The following CA10 variants were observed in gnomAD, a reference collection of about 807,000 sequenced individuals.
CA10 encodes the protein carbonic anhydrase 10 (inactive).
CA10 carries 14 observed loss-of-function variants against 44.2 expected under a neutral mutation model. The observed-to-expected ratio is 0.32, with a 90% CI of 0.21 to 0.50. The LOEUF (loss-of-function observed/expected upper bound fraction) is 0.50. CA10 is among the 20% of genes least tolerant of loss of function. The pLI is 0.99. For synonymous variants in CA10, 159 were observed against 141.6 expected (o/e 1.12, Z -0.87); for missense variants, 350 against 409.7 (o/e 0.85, Z 1.26).
intron 1 of CA10, among the ~76,000 whole-genome samples, chr17:52,073,985 C>G (rs1262574413): frequency 6.6e-6 from 1 of 152,136 alleles, no homozygotes; most frequent in African/African-American, 2.4e-5. Context: ...GCAAAATTCC[C>G]CAAGTGGGTA....
At chr17:52,081,922 G>C (rs189653061) in intron 1 of CA10, among the ~76,000 whole-genome samples, 1 of 152,010 alleles carries the variant, frequency 6.6e-6, no homozygotes, top group Non-Finnish European at 1.5e-5. Flanking sequence ...TGAGTGACTA[G>C]ATGTTGACAG....
At chr17:51,870,039 T>C (rs1386332790) in intron 3 of CA10, among the ~76,000 whole-genome samples, 1 of 152,214 alleles carries the variant, frequency 6.6e-6, no homozygotes, top group African/African-American at 2.4e-5. Flanking sequence ...CACTCTTTAA[T>C]TAGTATTTAC....
intron 1 of CA10, among the ~76,000 whole-genome samples, chr17:52,089,078 C>T (rs1226938750): frequency 6.6e-6 from 1 of 152,296 alleles, no homozygotes; most frequent in Non-Finnish European, 1.5e-5. Context: ...CATGTAATCA[C>T]GAATTTCAAA....
intron 4 of CA10, among the ~76,000 whole-genome samples, chr17:51,654,269 T>C (rs1312996986): frequency 1.3e-5 from 2 of 152,230 alleles, no homozygotes; most frequent in African/African-American, 2.4e-5. Flanking sequence ...GTCCCGGTCA[T>C]CTGGTTGTGT....
intron 2 of CA10, among the ~76,000 whole-genome samples, chr17:52,050,150 C>A (rs1294057926): frequency 6.6e-6 from 1 of 152,048 alleles, no homozygotes; most frequent in Non-Finnish European, 1.5e-5. Flanking sequence ...TGAATCTCCC[C>A]ACCCCAAACC....
chr17:51,752,158 C>T (rs1904914985), intron 3 of CA10, among the ~76,000 whole-genome samples: 1 of 151,858 alleles, frequency 6.6e-6, no homozygotes, highest in South Asian at 2.1e-4. Context: ...GCTGTGTAGC[C>T]AGGGCATGGT....
At chr17:51,877,598 GAAGTT>G (rs1011908044) in intron 3 of CA10, among the ~76,000 whole-genome samples, 33 of 152,130 alleles carry the variant, frequency 2.2e-4, no homozygotes, top group African/African-American at 6.5e-4. Context: ...TCAAAGATAT[GAAGTT>G]AAGTACCCAT....
chr17:51,675,772 G>A (rs924098706), intron 4 of CA10, among the ~76,000 whole-genome samples: 1 of 151,980 alleles, frequency 6.6e-6, no homozygotes, highest in Non-Finnish European at 1.5e-5. Context: ...TCAATCAGTA[G>A]TTCTCTTAGG....
chr17:51,707,135 G>A (rs1424865562), intron 4 of CA10, among the ~76,000 whole-genome samples: 1 of 152,124 alleles, frequency 6.6e-6, no homozygotes, highest in African/African-American at 2.4e-5. Flanking sequence ...TAGAAGCAAT[G>A]TGCTAGGTGC....
At chr17:52,091,584 C>T (rs902333932) in intron 1 of CA10, among the ~76,000 whole-genome samples, 4 of 152,124 alleles carry the variant, frequency 2.6e-5, no homozygotes, top group African/African-American at 9.7e-5. Flanking sequence ...ATAAAAGATA[C>T]ATGTTAAATC....
chr17:51,799,551 A>C (rs963703114), intron 3 of CA10, among the ~76,000 whole-genome samples: 2 of 152,202 alleles, frequency 1.3e-5, no homozygotes, highest in Non-Finnish European at 2.9e-5. Context: ...ACAGCAAGTC[A>C]TGTGGCTAAG....
intron 3 of CA10, among the ~76,000 whole-genome samples, chr17:51,807,587 T>C (rs1017071111): frequency 1.3e-5 from 2 of 152,188 alleles, no homozygotes; most frequent in African/African-American, 2.4e-5. Flanking sequence ...TTTTTAATAA[T>C]AGCGCAAAAT....
intron 3 of CA10, among the ~76,000 whole-genome samples, chr17:51,817,471 A>G (rs544555776): frequency 5.8e-4 from 89 of 152,252 alleles, no homozygotes; most frequent in Non-Finnish European, 1.0e-3. Context: ...CTCTTTATGC[A>G]GATAAAAAGC....
intron 1 of CA10, among the ~76,000 whole-genome samples, chr17:52,142,485 T>C (rs1368605708): frequency 6.6e-6 from 1 of 152,214 alleles, no homozygotes; most frequent in Non-Finnish European, 1.5e-5. Context: ...TTAATAATGC[T>C]TATAAAAAAT....
At chr17:51,983,332 C>T (rs1984716539) in intron 2 of CA10, among the ~76,000 whole-genome samples, 1 of 151,762 alleles carries the variant, frequency 6.6e-6, no homozygotes, top group African/African-American at 2.4e-5. Context: ...TTCCTAAAAA[C>T]AAATTGGGGA....
intron 6 of CA10, among the ~76,000 whole-genome samples, chr17:51,638,063 C>T (rs913946709): frequency 6.6e-6 from 1 of 152,182 alleles, no homozygotes; most frequent in Non-Finnish European, 1.5e-5. Flanking sequence ...GCAAAGATGC[C>T]CTCTCCTCCA....
intron 3 of CA10, among the ~76,000 whole-genome samples, chr17:51,913,894 A>G (rs1323461513): frequency 6.6e-6 from 1 of 152,132 alleles, no homozygotes; most frequent in African/African-American, 2.4e-5. Context: ...AGAAGCACAA[A>G]TCTTAAATTT....
intron 2 of CA10, among the ~76,000 whole-genome samples, chr17:52,008,976 G>A (rs562774904): frequency 1.8e-4 from 28 of 151,998 alleles, no homozygotes; most frequent in Admixed American, 1.1e-3. Flanking sequence ...TTGGTGCCTA[G>A]TACATTGCCT....
At chr17:52,067,202 G>C (rs1987560351) in intron 2 of CA10, among the ~76,000 whole-genome samples, 1 of 152,246 alleles carries the variant, frequency 6.6e-6, no homozygotes, top group Admixed American at 6.5e-5. Flanking sequence ...AGTTTCCTGG[G>C]CTGGGCCCAA....
Sources: gnomAD v4.1 joint callset for allele counts (sites outside exome capture counted in the v4.1 genomes callset) on GRCh38, gnomAD v4.1.1 for gene constraint, MANE v1.5 for transcripts, NCBI Gene and HGNC (gene_info 2026-07-23, HGNC 2026-07-21) for gene names.